LUZP2: variants seen among roughly 807,000 people sequenced by gnomAD.
LUZP2 encodes leucine zipper protein 2.
A neutral mutation model predicts 51.6 loss-of-function variants in LUZP2; 52 were observed. That is an observed-to-expected ratio of 1.01 (90% CI 0.81 to 1.27). LUZP2 has a LOEUF of 1.27. Among genes scored for constraint, LUZP2 ranks in the 50% most tolerant of loss-of-function variants. The probability of loss-of-function intolerance (pLI) is 0.00; values close to 1 mark genes in which losing one functional copy is unlikely to be tolerated. For synonymous variants in LUZP2, 154 were observed against 137.3 expected (o/e 1.12, Z -0.85); for missense variants, 436 against 395.4 (o/e 1.10, Z -0.87).
chr11:24,711,776 C>A (rs1212245301), intron 1 of LUZP2, among the ~76,000 whole-genome samples: 1 of 152,058 alleles, frequency 6.6e-6, no homozygotes. Flanking sequence ...CTATTTGCAG[C>A]CCTTCTCTGC....
chr11:24,698,655 A>G (rs1857322799), intron 1 of LUZP2, among the ~76,000 whole-genome samples: 1 of 152,142 alleles, frequency 6.6e-6, no homozygotes. Context: ...CTGCTGTATA[A>G]TTGTTGATTC....
At chr11:24,724,842 A>T (rs536439560) in intron 1 of LUZP2, among the ~76,000 whole-genome samples, 86 of 152,358 alleles carry the variant, frequency 5.6e-4, no homozygotes, top group African/African-American at 2.0e-3. Flanking sequence ...AAATCAACTT[A>T]CAGACAGTAA....
At chr11:24,995,463 G>C (rs989159161) in intron 9 of LUZP2, among the ~76,000 whole-genome samples, 2 of 152,086 alleles carry the variant, frequency 1.3e-5, no homozygotes, top group African/African-American at 2.4e-5. Context: ...GCTCTTTTAA[G>C]GGGACTCATA....
At chr11:24,796,463 A>T (rs1849546904) in intron 5 of LUZP2, among the ~76,000 whole-genome samples, 1 of 150,354 alleles carries the variant, frequency 6.7e-6, no homozygotes, top group Non-Finnish European at 1.5e-5. Context: ...TATAAACTAC[A>T]ACTATAATTT....
At chr11:24,605,986 T>C (rs549321452) in intron 1 of LUZP2, among the ~76,000 whole-genome samples, 1 of 152,004 alleles carries the variant, frequency 6.6e-6, no homozygotes, top group East Asian at 1.9e-4. Flanking sequence ...TTATCCCACT[T>C]AGCATAATGT....
intron 9 of LUZP2, among the ~76,000 whole-genome samples, chr11:25,004,465 G>T (rs1162971097): frequency 6.6e-6 from 1 of 152,066 alleles, no homozygotes; most frequent in African/African-American, 2.4e-5. Flanking sequence ...GAACACTGTG[G>T]TTGCCAGGTT....
intron 1 of LUZP2, among the ~76,000 whole-genome samples, chr11:24,691,427 A>C (rs544156069): frequency 6.6e-6 from 1 of 151,566 alleles, no homozygotes; most frequent in African/African-American, 2.4e-5. Context: ...AAAACTTGTG[A>C]ATCATTTTTT....
intron 5 of LUZP2, among the ~76,000 whole-genome samples, chr11:24,852,855 T>C (rs1359736734): frequency 6.6e-6 from 1 of 152,204 alleles, no homozygotes. Flanking sequence ...TTGGTCTTTA[T>C]TGGTTTAAAG....
intron 1 of LUZP2, among the ~76,000 whole-genome samples, chr11:24,551,252 GTTAAT>G (rs921541385): frequency 4.0e-4 from 61 of 152,134 alleles, no homozygotes; most frequent in African/African-American, 1.5e-3. Flanking sequence ...AATATTATTT[GTTAAT>G]TTAAAGAATA....
intron 1 of LUZP2, among the ~76,000 whole-genome samples, chr11:24,689,728 T>C (rs1857010029): frequency 6.6e-6 from 1 of 152,182 alleles, no homozygotes; most frequent in Non-Finnish European, 1.5e-5. Flanking sequence ...TATATGCCTA[T>C]AGATATACAT....
chr11:24,678,932 C>T (rs1339342753), intron 1 of LUZP2, among the ~76,000 whole-genome samples: 1 of 152,232 alleles, frequency 6.6e-6, no homozygotes, highest in Non-Finnish European at 1.5e-5. Flanking sequence ...CAAGCCTGCA[C>T]CGCAAGAGAA....
intron 1 of LUZP2, among the ~76,000 whole-genome samples, chr11:24,715,306 T>C (rs1420878611): frequency 1.5e-5 from 1 of 68,938 alleles, no homozygotes; most frequent in South Asian, 3.7e-4. Context: ...TGTGTGTGTG[T>C]GCATGCGTAT....
intron 9 of LUZP2, among the ~76,000 whole-genome samples, chr11:24,993,156 C>T (rs760876729): frequency 1.3e-5 from 2 of 151,982 alleles, no homozygotes; most frequent in Non-Finnish European, 2.9e-5. Flanking sequence ...TTTGGTATTA[C>T]CATTATCTGT....
chr11:24,839,596 T>C (rs1850961388), intron 5 of LUZP2, among the ~76,000 whole-genome samples: 1 of 151,742 alleles, frequency 6.6e-6, no homozygotes, highest in Non-Finnish European at 1.5e-5. Flanking sequence ...TTGTCACTGC[T>C]AAATGATCAT....
In LUZP2 at chr11:24,537,220, T is replaced by C. The variant is rs149595714; in HGVS notation, c.62+39915T>C. Among the ~76,000 whole-genome samples, 719 of 152,034 alleles carry C rather than the reference T, an allele frequency of 4.7e-3. 12 individuals are homozygous for C. Among genetic ancestry groups the C allele is most frequent in the African/African-American group, 0.016 (669 of 41,520 alleles). ...ACAAACAGAAGTGAGCCTATACTGT[T>C]AGTAAAATGGCACTGATAGGCTTGC... On this transcript the variant is annotated intron_variant, in intron 1 of 11. Transcript: ENST00000336930.
chr11:24,795,158 A>T (rs1048432610), intron 5 of LUZP2, among the ~76,000 whole-genome samples: 1 of 152,174 alleles, frequency 6.6e-6, no homozygotes. Context: ...TGGACAATAT[A>T]CATGGTTTAT....
chr11:24,764,524 G>A (rs1860112221), intron 5 of LUZP2, among the ~76,000 whole-genome samples: 1 of 128,414 alleles, frequency 7.8e-6, no homozygotes, highest in Non-Finnish European at 1.7e-5. Flanking sequence ...AAATTAGCTG[G>A]GAGTGGTGGC....
chr11:24,882,787 A>C (rs201881353), intron 5 of LUZP2, among the ~76,000 whole-genome samples: 1 of 134,256 alleles, frequency 7.4e-6, no homozygotes, highest in African/African-American at 2.6e-5. Flanking sequence ...GAGAAGGAAG[A>C]AAGGAAGAAA....
chr11:24,784,788 C>A (rs982206876), intron 5 of LUZP2, among the ~76,000 whole-genome samples: 4 of 151,960 alleles, frequency 2.6e-5, no homozygotes, highest in Non-Finnish European at 2.9e-5. Context: ...TTTTGTGTCA[C>A]TTCTATTTTC....
Sources: gnomAD v4.1 joint callset for allele counts (sites outside exome capture counted in the v4.1 genomes callset) on GRCh38, gnomAD v4.1.1 for gene constraint, MANE v1.5 for transcripts, NCBI Gene and HGNC (gene_info 2026-07-23, HGNC 2026-07-21) for gene names.